Variants in RAB11FIP5 observed in about 807,000 individuals in gnomAD.
RAB11FIP5 encodes the protein rab11 family-interacting protein 5.
RAB11FIP5 carries 48 observed loss-of-function variants against 85.1 expected under a neutral mutation model. The observed-to-expected ratio is 0.56, with a 90% CI of 0.45 to 0.72. The LOEUF is 0.72. Among genes scored for constraint, RAB11FIP5 ranks in the 30% least tolerant of loss-of-function variants. The pLI, the probability that RAB11FIP5 is intolerant of heterozygous loss-of-function variation, is 0.00. For synonymous variants in RAB11FIP5, 729 were observed against 727.3 expected, an observed-to-expected ratio of 1.00 and a Z score of -0.04; for missense variants, 1,491 against 1,687.0, an observed-to-expected ratio of 0.88 and a Z score of 2.04.
intron 4 of RAB11FIP5, 58 bp downstream of exon 4, chr2:73,079,593 G>C: frequency 8.1e-7 from 1 of 1,232,454 alleles, no homozygotes. Context: ...CCCTTGGGCT[G>C]TTCTGCCCCC....
chr2:73,089,505 A>G lies in RAB11FIP5; in HGVS notation c.432-190T>C, dbSNP rs1348846933. 5.8e-6 allele frequency: 4 copies of G among 690,704 alleles called. No homozygotes were observed. The highest frequency in any genetic ancestry group is 2.3e-5 in the Admixed American group (1 of 44,008). The allele number at this position is 690,704 out of a possible 1,614,324, so 42.8% of individuals were successfully genotyped here. On this transcript the variant is annotated intron_variant, in intron 1 of 5. Transcript: ENST00000486777. This position sits in a 1 kb window ranked among gnomAD's most constrained non-coding sequence, Gnocchi z 4.6. ...ATGCAGCTGAGAAACTATCCAAAAC[A>G]TTTCCATGATGGAGAAAACCACATC...
rs1171486096 is a variant in RAB11FIP5 at position 73,112,334 on chromosome 2, G to A, written c.431+13C>T. 3 of 1,561,418 alleles carry A rather than the reference G, an allele frequency of 1.9e-6. No individual in the cohort carries two copies. The highest frequency in any genetic ancestry group is 1.7e-4 in the Middle Eastern group (1 of 5,886). ...CCTTTAGCCGTTTCTGTGCCCCCGC[G>A]CCCCCTACTCACTGCGTGTGCTGGG... On this transcript the variant is annotated intron_variant, in intron 1 of 5. Coordinates refer to ENST00000486777, the MANE Select transcript of RAB11FIP5 (RefSeq NM_001371272.1).
At chr2:73,092,403 G>A (rs1323256455) in intron 1 of RAB11FIP5, among the ~76,000 whole-genome samples, 1 of 152,204 alleles carries the variant, frequency 6.6e-6, no homozygotes, top group South Asian at 2.1e-4. Context: ...CAGGGAACTA[G>A]CACTTCCTAC....
chr2:73,081,631 G>A lies in RAB11FIP5; in HGVS notation c.1601C>T (p.Pro534Leu), dbSNP rs1257095012. 34 of 1,229,594 alleles carry A rather than the reference G, an allele frequency of 2.8e-5. No homozygotes were observed. In the East Asian group the frequency reaches 9.5e-4, roughly 34 times the overall value. The allele number at this position is 1,229,594 out of a possible 1,614,324, so 76.2% of individuals were successfully genotyped here. A position where few individuals can be genotyped will look rare whatever the true frequency, so the allele number is the denominator to read the frequency against. Residue 534 changes from proline (P) to leucine (L), a missense_variant, in exon 4 of 6, where the codon CCA becomes CTA. By Grantham distance (98) the Pro-to-Leu change is moderately conservative. Coordinates refer to ENST00000486777, the MANE Select transcript of RAB11FIP5 (RefSeq NM_001371272.1). This position sits in a 1 kb window ranked among gnomAD's most constrained non-coding sequence, Gnocchi z 4.2. Reference protein sequence around the residue: ...LDVSPQVESDPAALPHHLPCS... With the variant: ...LDVSPQVESDLAALPHHLPCS... ...GGGGAGGTGGTGAGGAAGAGCAGCT[G>A]GGTCAGATTCTACCTGAGGAGACAC...
intron 1 of RAB11FIP5, among the ~76,000 whole-genome samples, chr2:73,095,132 CA>C (rs1286681206): frequency 2.6e-5 from 4 of 152,186 alleles, no homozygotes; most frequent in Non-Finnish European, 4.4e-5. Flanking sequence ...ATCTCTCTGT[CA>C]GGGGCACCAT....
Position 73,088,536 on chromosome 2 carries a change from G to A in RAB11FIP5, c.1082C>T (p.Ser361Leu), listed in dbSNP as rs137980905. Residue 361 changes from serine to leucine, a missense_variant, in exon 3 of 6, where the codon TCG becomes TTG. Physicochemically the swap from Ser to Leu is moderately radical, Grantham distance 145 (BLOSUM62 -2). Around this residue, in one of 3 missense-constraint regions of RAB11FIP5, gnomAD observed 1,211 missense variants for 1,338.0 expected, o/e 0.91. Coordinates refer to ENST00000486777, the MANE Select transcript of RAB11FIP5 (RefSeq NM_001371272.1). ...TTGCAAGGAGCCAGAGGATGGAAGC[G>A]AGCCCGAGATGGAGCTGCGGTGCCG... ...PVRHRSSISG[S>L]LPSSGSLQAV... 56 of 1,613,844 alleles carry A rather than the reference G, an allele frequency of 3.5e-5. No individual in the cohort carries two copies. The highest frequency in any genetic ancestry group is 4.5e-5 in the East Asian group (2 of 44,892).
In RAB11FIP5 at chr2:73,112,839, A is replaced by G; in HGVS notation, c.-62T>C. On this transcript the variant is annotated 5_prime_UTR_variant, in exon 1 of 6. Transcript: ENST00000486777. ...TGCAGACCCCAGGACCTGGTGACAAACCCGGCCGCGGCAGAAGGCGGTCAG... is the reference window on the plus strand; with the variant it reads ...TGCAGACCCCAGGACCTGGTGACAAGCCCGGCCGCGGCAGAAGGCGGTCAG... The G allele has an allele frequency of 7.6e-7, 1 of 1,322,068 alleles. No homozygotes were observed. Among genetic ancestry groups the G allele is most frequent in the Non-Finnish European group, 9.6e-7 (1 of 1,038,210 alleles). 81.9% of individuals were successfully genotyped at this position (1,322,068 alleles called of 1,614,324 possible).
chr2:73,083,462 T>TA (rs892651437), intron 3 of RAB11FIP5, among the ~76,000 whole-genome samples: 4 of 152,122 alleles, frequency 2.6e-5, no homozygotes, highest in African/African-American at 9.7e-5. Context: ...TTTTTCCCCT[T>TA]ACAATAACTC....
At position 73,079,810 on chromosome 2, in the gene RAB11FIP5, G is replaced by GGTGGT; in HGVS notation, c.3417_3421dup (p.Pro1141HisfsTer60). On this transcript the variant is annotated frameshift_variant, in exon 4 of 6. Coordinates refer to ENST00000486777, the MANE Select transcript of RAB11FIP5 (RefSeq NM_001371272.1). LOFTEE classifies it high-confidence loss of function. ...GCCAGGGAGTAAGGCTGGCTCCCCT[G>GGTGGT]GTGGTGCAGAGGAGGTAGTCAGGGG... 1 of 1,232,384 alleles carries GGTGGT rather than the reference G, an allele frequency of 8.1e-7. No homozygotes were observed. The highest frequency in any genetic ancestry group is 3.2e-5 in the East Asian group (1 of 31,696). The allele number at this position is 1,232,384 out of a possible 1,614,324, so 76.3% of individuals were successfully genotyped here. A position where few individuals can be genotyped will look rare whatever the true frequency, so the allele number is the denominator to read the frequency against.
intron 1 of RAB11FIP5, among the ~76,000 whole-genome samples, chr2:73,092,718 G>A (rs115702198): frequency 0.013 from 1,990 of 152,232 alleles, 28 homozygotes; most frequent in African/African-American, 0.043. Flanking sequence ...AAGGAAGCAC[G>A]GAAGGAAAAA....
chr2:73,084,473 T>C (rs912536904), intron 3 of RAB11FIP5: 1 of 152,082 alleles, frequency 6.6e-6, no homozygotes, highest in African/African-American at 2.4e-5. Flanking sequence ...GGGGCAGCAA[T>C]ATATGCTGAT....
In RAB11FIP5 at chr2:73,076,140, G is replaced by T; in HGVS notation, c.3624C>A (p.Gly1208=). The T allele has an allele frequency of 6.2e-7, 1 of 1,613,634 alleles. No homozygotes were observed. Among genetic ancestry groups the T allele is most frequent in the Non-Finnish European group, 8.5e-7 (1 of 1,179,610 alleles). Residue 1208 remains glycine, a synonymous_variant, in exon 5 of 6, where the codon GGC becomes GGA. Transcript: ENST00000486777. The part of the protein sequence containing the change: ...VKPLSAAPVE[G]SPDRKQSRSS... ...AGCGGGACTGCTTCCTGTCGGGGCT[G>T]CCCTCCACAGGGGCGGCACTGAGGG...
rs980417823 is a variant in RAB11FIP5, at chr2:73,075,747, G to A, written c.3772-23C>T. ...GTCCTGAGGCCGGACCGAAGACAGT[G>A]AGCAGGGCAGCCCTAGGCCTGCCTG... On this transcript the variant is annotated intron_variant, in intron 5 of 5. Transcript: ENST00000486777. The surrounding 1 kb of genome is among the most constrained non-coding windows in gnomAD (Gnocchi z 4.6). 1.2e-5 allele frequency: 19 copies of A among 1,572,932 alleles called. No individual in the cohort carries two copies. Among genetic ancestry groups the A allele is most frequent in the Non-Finnish European group, 1.6e-5 (19 of 1,157,934 alleles).
rs149299191 is a variant in RAB11FIP5, at chr2:73,109,886, A to G, written c.431+2461T>C. ...TCTCCCTTCACCATCACTGCTCTGC[A>G]CTGACCACCTACCATGTACAGGGAC... On this transcript the variant is annotated intron_variant, in intron 1 of 5. Transcript: ENST00000486777. 4.9e-3 allele frequency among the ~76,000 whole-genome samples: 747 copies of G among 152,328 alleles called. 2 individuals carry two copies. The highest frequency in any genetic ancestry group is 7.5e-3 in the Non-Finnish European group (509 of 68,024).
At chr2:73,111,823 G>A (rs1285796941) in intron 1 of RAB11FIP5, among the ~76,000 whole-genome samples, 2 of 152,196 alleles carry the variant, frequency 1.3e-5, no homozygotes, top group Non-Finnish European at 2.9e-5. Flanking sequence ...GAGAGCAAGA[G>A]GCAGATGCCC....
In RAB11FIP5 at chr2:73,079,784, G is replaced by C. The variant is rs570499972; in HGVS notation, c.3448C>G (p.Pro1150Ala). The C allele has an allele frequency of 2.7e-4, 336 of 1,232,520 alleles. No individual in the cohort carries two copies. The highest frequency in any genetic ancestry group is 1.6e-3 in the Middle Eastern group (5 of 3,210). The allele number at this position is 1,232,520 out of a possible 1,614,324, so 76.3% of individuals were successfully genotyped here. The stretch of plus-strand genomic sequence containing the variant: ...CCCCCAGGTGGGGAGGGCTCATGGG[G>C]GCCAGGGAGTAAGGCTGGCTCCCCT... ...PPGEPALLPG[P>A]HEPSPPGGSP... The change falls in exon 4 of 6, where the codon CCC becomes GCC. Residue 1150 changes from proline (P) to alanine (A), a missense_variant. Physicochemically the swap from Pro to Ala is conservative, Grantham distance 27. Transcript: ENST00000486777.
At position 73,075,324 on chromosome 2, in the gene RAB11FIP5, T is replaced by A. The variant is rs1426699018; in HGVS notation, c.*197A>T. 5.6e-6 allele frequency: 4 copies of A among 712,046 alleles called. No homozygotes were observed. The highest frequency in any genetic ancestry group is 1.0e-5 in the Non-Finnish European group (4 of 393,268). The allele number at this position is 712,046 out of a possible 1,614,324, so 44.1% of individuals were successfully genotyped here. ...CCAGGGCTCCCAAAGACACACAAGT[T>A]GTGCACAGAACCTGATGCCTCCAAA... On this transcript the variant is annotated 3_prime_UTR_variant, in exon 6 of 6. Transcript: ENST00000486777. This position sits in a 1 kb window ranked among gnomAD's most constrained non-coding sequence, Gnocchi z 4.6.
In RAB11FIP5 at chr2:73,088,053, G is replaced by T; in HGVS notation, c.1565C>A (p.Pro522His). The change falls in exon 3 of 6, where the codon CCC becomes CAC. Residue 522 changes from proline to histidine, a missense_variant. Pro to His is a moderately conservative substitution (Grantham distance 77). Transcript: ENST00000486777. ...LREAKDPTQK[P>H]SLDVSPQVES... ...GTTGGTCTTGCCAACGACTTACCTGGGTTTCTGAGTCGGGTCCTTGGCTTC... is the reference window on the plus strand; with the variant it reads ...GTTGGTCTTGCCAACGACTTACCTGTGTTTCTGAGTCGGGTCCTTGGCTTC... 6.3e-7 allele frequency: 1 copy of T among 1,589,752 alleles called. No individual in the cohort carries two copies. Among genetic ancestry groups the T allele is most frequent in the Non-Finnish European group, 8.6e-7 (1 of 1,166,862 alleles).
Position 73,112,462 on chromosome 2 carries a change from AGGC to A in RAB11FIP5, c.313_315del (p.Ala105del), listed in dbSNP as rs1023672956. 1.3e-6 allele frequency: 2 copies of A among 1,497,078 alleles called. No individual in the cohort carries two copies. The highest frequency in any genetic ancestry group is 2.7e-5 in the Admixed American group (1 of 37,698). The allele number at this position is 1,497,078 out of a possible 1,614,324, so 92.7% of individuals were successfully genotyped here. A position where few individuals can be genotyped will look rare whatever the true frequency, so the allele number is the denominator to read the frequency against. ...TGCATGGTGGTGAGCACCAGCTCGCAGGCGGCGGCGGAGCTCGCGGCCCAGGGC... is the reference window on the plus strand; with the variant it reads ...TGCATGGTGGTGAGCACCAGCTCGCAGGCGGCGGAGCTCGCGGCCCAGGGC... On this transcript the variant is annotated inframe_deletion, in exon 1 of 6. Transcript: ENST00000486777.
Sources: allele counts gnomAD v4.1 joint callset (sites outside exome capture counted in the v4.1 genomes callset), GRCh38; gene constraint gnomAD v4.1.1; regional missense constraint gnomAD v4.1.1; non-coding constraint Gnocchi (gnomAD v3.1); transcripts MANE v1.5; gene names NCBI Gene and HGNC (gene_info 2026-07-23, HGNC 2026-07-21).